Variants in ANO2 observed in about 807,000 individuals in gnomAD.
ANO2 encodes the protein anoctamin-2.
Under a neutral mutation model 124.2 loss-of-function variants are expected in ANO2, and 101 were observed. The ratio of observed to expected loss-of-function variants is 0.81; its 90% CI spans 0.69 to 0.96. The LOEUF (loss-of-function observed/expected upper bound fraction) is 0.96, where lower values mean the gene tolerates loss of function less well. ANO2 is among the 40% of genes least tolerant of loss of function. ANO2 has a pLI of 0.00. For synonymous variants in ANO2, 486 were observed against 482.5 expected (o/e 1.01, Z -0.09); for missense variants, 1,293 against 1,274.5 (o/e 1.01, Z -0.22).
At chr12:5,645,729 T>C (rs1382960618) in intron 15 of ANO2, among the ~76,000 whole-genome samples, 5 of 152,352 alleles carry the variant, frequency 3.3e-5, no homozygotes, top group African/African-American at 9.6e-5. Flanking sequence ...TTAGTTGTTT[T>C]TGACTGTGTT....
At chr12:5,851,822 G>A (rs922855717) in intron 4 of ANO2, 3 of 680,044 alleles carry the variant, frequency 4.4e-6, no homozygotes, top group Non-Finnish European at 8.0e-6. Flanking sequence ...TAGAAAGACG[G>A]GAAGGAAAGC....
rs988711605 is a variant in ANO2, at chr12:5,904,533, C to G, written c.534+16507G>C. 6.6e-6 allele frequency among the ~76,000 whole-genome samples: 1 copy of G among 152,192 alleles called. No individual in the cohort carries two copies. Among genetic ancestry groups the G allele is most frequent in the African/African-American group, 2.4e-5 (1 of 41,458 alleles). ...GTAGCACGAATGAGCGGCGCACACACCTGTGGGTTTATCCCAGTACTGCTT... is the reference window on the plus strand; with the variant it reads ...GTAGCACGAATGAGCGGCGCACACAGCTGTGGGTTTATCCCAGTACTGCTT... On this transcript the variant is annotated intron_variant, in intron 3 of 24. Transcript: ENST00000682330. This position sits in a 1 kb window ranked among gnomAD's most constrained non-coding sequence, Gnocchi z 4.1.
intron 3 of ANO2, among the ~76,000 whole-genome samples, chr12:5,887,639 T>C (rs886628757): frequency 3.3e-5 from 5 of 152,222 alleles, no homozygotes; most frequent in African/African-American, 1.2e-4. Context: ...TTCTGAGCAC[T>C]GTATACGGCT....
At chr12:5,576,254 G>C (rs762870197) in intron 22 of ANO2, among the ~76,000 whole-genome samples, 63 of 152,200 alleles carry the variant, frequency 4.1e-4, no homozygotes, top group Non-Finnish European at 5.9e-4. Flanking sequence ...CTGCAGCAAA[G>C]CATGCTAAGT....
intron 14 of ANO2, among the ~76,000 whole-genome samples, chr12:5,727,491 T>C (rs553188602): frequency 2.1e-5 from 3 of 143,112 alleles, no homozygotes; most frequent in South Asian, 2.2e-4. Context: ...GGAAACCTTA[T>C]AGAGAGAGTT....
chr12:5,683,664 T>G (rs1176621124), intron 14 of ANO2, among the ~76,000 whole-genome samples: 1 of 152,128 alleles, frequency 6.6e-6, no homozygotes, highest in Non-Finnish European at 1.5e-5. Flanking sequence ...TTATTTTAAT[T>G]TTTTAAAGAA....
rs558551662 is a variant in ANO2, at chr12:5,867,529, A to G, written c.535-13388T>C. Among the ~76,000 whole-genome samples, 13 of 152,320 alleles carry G rather than the reference A, an allele frequency of 8.5e-5. No individual in the cohort carries two copies. The South Asian group carries it at 2.3e-3, about 27-fold the overall frequency. The stretch of plus-strand genomic sequence containing the variant: ...CTCCACTGAGACTTCCCTAGGGCTC[A>G]GGTAAGTGAAGTTGAAAATTACTGT... On this transcript the variant is annotated intron_variant, in intron 3 of 24. Coordinates refer to ENST00000682330, the MANE Select transcript of ANO2 (RefSeq NM_001364791.2).
intron 20 of ANO2, among the ~76,000 whole-genome samples, chr12:5,582,101 G>C (rs1033932733): frequency 2.0e-5 from 3 of 152,206 alleles, no homozygotes; most frequent in African/African-American, 7.2e-5. Context: ...ACCAAGATTT[G>C]TTTCTAAAAG....
In ANO2 at chr12:5,780,470, G is replaced by A. The variant is rs140795356; in HGVS notation, c.1055+19037C>T. Among the ~76,000 whole-genome samples the A allele has an allele frequency of 7.2e-5, 11 of 152,312 alleles. No homozygotes were observed. In the East Asian group the frequency reaches 1.5e-3, roughly 21 times the overall value. On this transcript the variant is annotated intron_variant, in intron 10 of 24. Coordinates refer to ENST00000682330, the MANE Select transcript of ANO2 (RefSeq NM_001364791.2). ...TGATCTGCGCCCTGGCCTCCAAACA[G>A]CAACGTCTGATTTCTTAGGCTCCAA...
At chr12:5,793,399 C>T (rs1444140118) in intron 10 of ANO2, among the ~76,000 whole-genome samples, 1 of 152,182 alleles carries the variant, frequency 6.6e-6, no homozygotes, top group African/African-American at 2.4e-5. Context: ...CTCTAAGCTT[C>T]ATTTGCCTCT....
chr12:5,660,632 T>G (rs1947390502), intron 14 of ANO2, among the ~76,000 whole-genome samples: 1 of 151,990 alleles, frequency 6.6e-6, no homozygotes, highest in Non-Finnish European at 1.5e-5. Flanking sequence ...TCTTGTTTAT[T>G]TATTCATCTC....
At position 5,827,597 on chromosome 12, in the gene ANO2, C is replaced by G. The variant is rs1329453823; in HGVS notation, c.892+172G>C. ...GGGCAGCCCCACTGAGAAATGGGAC[C>G]CCCGCTGCTCCTGGGGCCAAGGCAG... On this transcript the variant is annotated intron_variant, in intron 7 of 24. Coordinates refer to ENST00000682330, the MANE Select transcript of ANO2 (RefSeq NM_001364791.2). 6 of 733,136 alleles carry G rather than the reference C, an allele frequency of 8.2e-6. No individual in the cohort carries two copies. In the Admixed American group the frequency reaches 9.1e-5, roughly 11 times the overall value. 45.4% of individuals were successfully genotyped at this position (733,136 alleles called of 1,614,324 possible). A position where few individuals can be genotyped will look rare whatever the true frequency, so the allele number is the denominator to read the frequency against.
chr12:5,915,601 G>A (rs1941333486), intron 3 of ANO2, among the ~76,000 whole-genome samples: 1 of 152,284 alleles, frequency 6.6e-6, no homozygotes, highest in East Asian at 1.9e-4. Context: ...AGATTGCCCA[G>A]CTCAGAAGGG....
chr12:5,648,553 AC>A (rs1946758652), intron 14 of ANO2, among the ~76,000 whole-genome samples: 1 of 152,178 alleles, frequency 6.6e-6, no homozygotes, highest in South Asian at 2.1e-4. Context: ...TGCTCTGAGG[AC>A]CGTCATTTGG....
At chr12:5,849,093 A>T (rs551270386) in intron 4 of ANO2, among the ~76,000 whole-genome samples, 4 of 152,360 alleles carry the variant, frequency 2.6e-5, no homozygotes, top group Admixed American at 2.6e-4. Context: ...CAAAGGACAC[A>T]TAAGCTGAAG....
Position 5,754,977 on chromosome 12 carries a change from T to C in ANO2, c.1056-4007A>G, listed in dbSNP as rs534706063. 1.8e-3 allele frequency among the ~76,000 whole-genome samples: 280 copies of C among 152,226 alleles called. 1 individual carries two copies. The highest frequency in any genetic ancestry group is 3.2e-3 in the Non-Finnish European group (216 of 67,986). ...TTGGGCTTAGTTTTTTCTTCTTTTGTAGTTACTTGAGATGTAAAATTAATT... is the reference window on the plus strand; with the variant it reads ...TTGGGCTTAGTTTTTTCTTCTTTTGCAGTTACTTGAGATGTAAAATTAATT... On this transcript the variant is annotated intron_variant, in intron 10 of 24. Transcript: ENST00000682330.
At chr12:5,602,937 G>A (rs776769829) in intron 19 of ANO2, among the ~76,000 whole-genome samples, 8 of 152,186 alleles carry the variant, frequency 5.3e-5, no homozygotes, top group Non-Finnish European at 7.4e-5. Context: ...AAGTATAGAC[G>A]AAAGTCAAAG....
At chr12:5,625,944 T>C (rs1945376452) in intron 16 of ANO2, among the ~76,000 whole-genome samples, 1 of 152,092 alleles carries the variant, frequency 6.6e-6, no homozygotes. Context: ...TCCTTCAACA[T>C]TTGTTGGGAA....
At chr12:5,659,711 T>C (rs1434864179) in intron 14 of ANO2, among the ~76,000 whole-genome samples, 2 of 152,238 alleles carry the variant, frequency 1.3e-5, no homozygotes, top group South Asian at 2.1e-4. Flanking sequence ...TCCAGCTCAC[T>C]TGCTCTGCTC....
Sources: allele counts gnomAD v4.1 joint callset (sites outside exome capture counted in the v4.1 genomes callset), GRCh38; gene constraint gnomAD v4.1.1; non-coding constraint Gnocchi (gnomAD v3.1); transcripts MANE v1.5; gene names NCBI Gene and HGNC (gene_info 2026-07-23, HGNC 2026-07-21).